Variants in OPCML observed in about 807,000 individuals in gnomAD.
OPCML encodes opioid-binding protein/cell adhesion molecule.
In OPCML, 13 loss-of-function variants were observed where a neutral mutation model predicts 37.8. The ratio of observed to expected loss-of-function variants is 0.34; its 90% confidence interval spans 0.22 to 0.55. The LOEUF is 0.55. Ranked by LOEUF, OPCML falls within the 20% of genes least tolerant of loss-of-function variation. The probability of loss-of-function intolerance (pLI) is 0.91; values close to 1 mark genes in which losing one functional copy is unlikely to be tolerated. For missense variants in OPCML, 341 were observed against 435.6 expected, an observed-to-expected ratio of 0.78 and a Z score of 1.93; for synonymous variants, 176 against 168.8, an observed-to-expected ratio of 1.04 and a Z score of -0.33.
At chr11:133,008,390 A>G in intron 1 of OPCML, 1 of 985,432 alleles carries the variant, frequency 1.0e-6, no homozygotes, top group Non-Finnish European at 1.2e-6. Context: ...TTCAGAGGAC[A>G]TCCGAGATTG....
At chr11:132,558,678 C>T (rs2137487295) in intron 3 of OPCML, among the ~76,000 whole-genome samples, 1 of 151,646 alleles carries the variant, frequency 6.6e-6, no homozygotes, top group Non-Finnish European at 1.5e-5. Flanking sequence ...GTATCCTCCT[C>T]ATTTAACAGA....
intron 1 of OPCML, among the ~76,000 whole-genome samples, chr11:133,167,271 GTTA>G: frequency 6.6e-6 from 1 of 152,032 alleles, no homozygotes; most frequent in East Asian, 1.9e-4. Context: ...TATCAATATT[GTTA>G]TTATTATTGG....
At chr11:132,677,347 A>T (rs1308977880) in intron 2 of OPCML, among the ~76,000 whole-genome samples, 1 of 152,162 alleles carries the variant, frequency 6.6e-6, no homozygotes, top group Non-Finnish European at 1.5e-5. Flanking sequence ...GATTCAATGG[A>T]ATTCCAATTA....
At chr11:133,444,064 C>G (rs1424532854) in intron 1 of OPCML, among the ~76,000 whole-genome samples, 2 of 152,088 alleles carry the variant, frequency 1.3e-5, no homozygotes, top group Non-Finnish European at 2.9e-5. Context: ...CTGGCTTTCC[C>G]CTCTATTTGC....
At chr11:132,870,489 C>T (rs1942753383) in intron 2 of OPCML, among the ~76,000 whole-genome samples, 1 of 152,114 alleles carries the variant, frequency 6.6e-6, no homozygotes, top group Admixed American at 6.5e-5. Flanking sequence ...GAAGTAGGCT[C>T]TGGTCAAATT....
chr11:132,942,824 C>A, intron 2 of OPCML, 102 bp downstream of exon 2: 1 of 1,482,968 alleles, frequency 6.7e-7, no homozygotes, highest in Non-Finnish European at 9.2e-7. Flanking sequence ...ACAAGGCCCA[C>A]TCGCGTTCCG....
chr11:133,081,136 C>T (rs1416056896), intron 1 of OPCML, among the ~76,000 whole-genome samples: 1 of 152,176 alleles, frequency 6.6e-6, no homozygotes, highest in Non-Finnish European at 1.5e-5. Context: ...CCAGTGTGCT[C>T]CTGACTTCAG....
intron 1 of OPCML, among the ~76,000 whole-genome samples, chr11:133,011,538 A>G (rs1468491676): frequency 2.6e-5 from 4 of 152,254 alleles, no homozygotes; most frequent in East Asian, 3.9e-4. Flanking sequence ...ACTATGCTCA[A>G]TTTAAGGAAA....
At chr11:132,959,643 T>C (rs997472567) in intron 1 of OPCML, among the ~76,000 whole-genome samples, 1 of 152,072 alleles carries the variant, frequency 6.6e-6, no homozygotes, top group African/African-American at 2.4e-5. Flanking sequence ...ATCCTAGTGG[T>C]TCACAGCGTT....
rs1939081521 is a variant in OPCML at position 133,206,812 on chromosome 11, A to G, written c.62-263802T>C. The stretch of plus-strand genomic sequence containing the variant: ...AGGTTTGTGAATGGATGCAGCACCC[A>G]CGCTTACCCTCCACACTCTCACGAT... On this transcript the variant is annotated intron_variant, in intron 1 of 7. Transcript: ENST00000524381. The surrounding 1 kb of genome is among the most constrained non-coding windows in gnomAD (Gnocchi z 4.7). Among the ~76,000 whole-genome samples, 1 of 152,138 alleles carries G rather than the reference A, an allele frequency of 6.6e-6. No homozygotes were observed. Among genetic ancestry groups the G allele is most frequent in the African/African-American group, 2.4e-5 (1 of 41,424 alleles).
At chr11:133,507,507 G>A (rs951957319) in intron 1 of OPCML, among the ~76,000 whole-genome samples, 54 of 152,322 alleles carry the variant, frequency 3.5e-4, no homozygotes, top group Admixed American at 1.2e-3. Context: ...GAGTTGAGGG[G>A]AGCTGATTCC....
intron 1 of OPCML, among the ~76,000 whole-genome samples, chr11:133,276,790 A>G (rs1251287788): frequency 6.6e-6 from 1 of 152,054 alleles, no homozygotes; most frequent in Non-Finnish European, 1.5e-5. Context: ...TATAACTTCT[A>G]TGACAGTTCT....
chr11:132,435,025 C>T (rs899964516), intron 7 of OPCML: 36 of 439,932 alleles, frequency 8.2e-5, no homozygotes, highest in Non-Finnish European at 1.4e-4. Context: ...GTAAACCAAG[C>T]CCCTTGAGGT....
chr11:132,660,856 G>A (rs1941945474), intron 2 of OPCML, among the ~76,000 whole-genome samples: 1 of 152,188 alleles, frequency 6.6e-6, no homozygotes, highest in Admixed American at 6.5e-5. Flanking sequence ...TGGACGAAGT[G>A]TGAAGTGGGA....
rs75029776 is a variant in OPCML at position 132,420,162 on chromosome 11, A to G, written c.*31T>C. ...ATTAAAGTCTGTGATATGGAGAAGC[A>G]GGCGTTGCTCAGAGGACCTAGGATT... On this transcript the variant is annotated 3_prime_UTR_variant, in exon 8 of 8. Transcript: ENST00000524381. 5,945 of 1,591,348 alleles carry G rather than the reference A, an allele frequency of 3.7e-3. 133 individuals carry two copies. The African/African-American group carries it at 0.059, about 16-fold the overall frequency.
intron 2 of OPCML, among the ~76,000 whole-genome samples, chr11:132,814,295 T>G (rs1005182049): frequency 6.6e-6 from 1 of 152,188 alleles, no homozygotes; most frequent in East Asian, 1.9e-4. Flanking sequence ...GTATTTATTA[T>G]GAGAAATTGG....
At chr11:133,484,976 A>G (rs1285496854) in intron 1 of OPCML, among the ~76,000 whole-genome samples, 1 of 152,112 alleles carries the variant, frequency 6.6e-6, no homozygotes, top group African/African-American at 2.4e-5. Context: ...GCAAAAACCA[A>G]CAGCAAATAT....
At chr11:132,779,444 G>A (rs1946921062) in intron 2 of OPCML, among the ~76,000 whole-genome samples, 1 of 151,744 alleles carries the variant, frequency 6.6e-6, no homozygotes, top group Non-Finnish European at 1.5e-5. Context: ...CCCTGAAACT[G>A]TGTTCATATT....
chr11:132,595,655 C>T (rs1295080637), intron 3 of OPCML, among the ~76,000 whole-genome samples: 2 of 152,188 alleles, frequency 1.3e-5, no homozygotes, highest in Non-Finnish European at 2.9e-5. Context: ...CAGTTAGGAC[C>T]TGTGCATCCA....
Sources: allele counts gnomAD v4.1 joint callset (sites outside exome capture counted in the v4.1 genomes callset), GRCh38; gene constraint gnomAD v4.1.1; non-coding constraint Gnocchi (gnomAD v3.1); transcripts MANE v1.5; gene names NCBI Gene and HGNC (gene_info 2026-07-23, HGNC 2026-07-21).